The following INPP4B variants were observed in gnomAD, a reference collection of about 807,000 sequenced individuals.
The protein encoded by INPP4B is inositol polyphosphate 4-phosphatase type II.
INPP4B carries 55 observed loss-of-function variants against 122.5 expected under a neutral mutation model. That is an observed-to-expected ratio of 0.45 (90% CI 0.36 to 0.56). INPP4B has a LOEUF of 0.56. INPP4B is among the 20% of genes least tolerant of loss of function. INPP4B has a pLI of 0.00. For synonymous variants in INPP4B, 403 were observed against 388.7 expected, an observed-to-expected ratio of 1.04 and a Z score of -0.43; for missense variants, 1,000 against 1,097.7, an observed-to-expected ratio of 0.91 and a Z score of 1.26.
chr4:142,456,580 T>C (rs933106612), intron 3 of INPP4B, among the ~76,000 whole-genome samples: 2 of 152,082 alleles, frequency 1.3e-5, no homozygotes, highest in African/African-American at 4.8e-5. Context: ...GTTTTGCTCT[T>C]TATGTTCTTC....
chr4:142,681,616 GAAGA>G (rs1371909216), intron 2 of INPP4B, among the ~76,000 whole-genome samples: 1 of 151,740 alleles, frequency 6.6e-6, no homozygotes, highest in African/African-American at 2.4e-5. Flanking sequence ...CAGAGGAAGG[GAAGA>G]AAGAAAGAAA....
chr4:142,383,592 A>G (rs1028498486), intron 7 of INPP4B, among the ~76,000 whole-genome samples: 2 of 152,122 alleles, frequency 1.3e-5, no homozygotes, highest in African/African-American at 4.8e-5. Context: ...ACTTAACTCA[A>G]CCACTCCTCT....
intron 4 of INPP4B, among the ~76,000 whole-genome samples, chr4:142,430,942 T>G (rs1187422248): frequency 6.6e-6 from 1 of 152,136 alleles, no homozygotes; most frequent in Non-Finnish European, 1.5e-5. Flanking sequence ...TATTTAACCA[T>G]TTCATGGACT....
At chr4:142,748,425 G>T (rs1370225186) in intron 1 of INPP4B, among the ~76,000 whole-genome samples, 5 of 151,804 alleles carry the variant, frequency 3.3e-5, no homozygotes, top group Non-Finnish European at 4.4e-5. Flanking sequence ...AAATGATAGA[G>T]AAAATTTAAA....
intron 11 of INPP4B, among the ~76,000 whole-genome samples, chr4:142,255,001 C>A (rs1161928496): frequency 1.1e-4 from 17 of 152,192 alleles, no homozygotes; most frequent in East Asian, 9.7e-4. Flanking sequence ...CTAACAGCGG[C>A]TCTCTCGGCA....
chr4:142,637,252 G>A (rs974868768), intron 2 of INPP4B, among the ~76,000 whole-genome samples: 7 of 152,138 alleles, frequency 4.6e-5, no homozygotes, highest in African/African-American at 1.7e-4. Flanking sequence ...TATATTCTAT[G>A]GGTTTTGACA....
At chr4:142,211,143 A>G (rs889167245) in intron 12 of INPP4B, among the ~76,000 whole-genome samples, 2 of 152,218 alleles carry the variant, frequency 1.3e-5, no homozygotes, top group Non-Finnish European at 2.9e-5. Context: ...AAAAGTTCCA[A>G]TATAGGGGAA....
intron 1 of INPP4B, among the ~76,000 whole-genome samples, chr4:142,830,976 C>T (rs2073427621): frequency 6.6e-6 from 1 of 151,516 alleles, no homozygotes; most frequent in Non-Finnish European, 1.5e-5. Context: ...GAGCCAAGAT[C>T]ACACCACTGC....
In INPP4B at chr4:142,685,358, G is replaced by A. The variant is rs114882512; in HGVS notation, c.-191+40481C>T. Among the ~76,000 whole-genome samples the A allele has an allele frequency of 8.6e-3, 1,314 of 152,170 alleles. 25 individuals are homozygous for A. The highest frequency in any genetic ancestry group is 0.03 in the African/African-American group (1,246 of 41,536). ...CTTTAGAATAATCCTTCATTGGGGA[G>A]ACATTTTTAGTGAGTAATATTTCAA... On this transcript the variant is annotated intron_variant, in intron 2 of 25. Coordinates refer to ENST00000262992, the MANE Select transcript of INPP4B (RefSeq NM_001101669.3).
intron 7 of INPP4B, among the ~76,000 whole-genome samples, chr4:142,396,871 T>C (rs1478952232): frequency 6.6e-6 from 1 of 152,052 alleles, no homozygotes. Context: ...ATTTCATTCA[T>C]ATAAATTTCA....
intron 12 of INPP4B, among the ~76,000 whole-genome samples, chr4:142,211,907 G>T (rs1845065680): frequency 1.3e-5 from 2 of 152,224 alleles, no homozygotes; most frequent in Admixed American, 6.5e-5. Context: ...CTGGGGATAT[G>T]CTAATGCCTG....
chr4:142,369,592 AAAT>A (rs1197225166), intron 7 of INPP4B, among the ~76,000 whole-genome samples: 11 of 139,754 alleles, frequency 7.9e-5, no homozygotes, highest in African/African-American at 3.2e-4. Context: ...TTAAAAAAAT[AAAT>A]AAATAAATAA....
chr4:142,737,145 C>T (rs1448177605), intron 1 of INPP4B, among the ~76,000 whole-genome samples: 1 of 152,160 alleles, frequency 6.6e-6, no homozygotes, highest in Non-Finnish European at 1.5e-5. Flanking sequence ...AAAGAGCCTG[C>T]ATTGCCAAGT....
intron 1 of INPP4B, among the ~76,000 whole-genome samples, chr4:142,812,780 G>C (rs1779667174): frequency 6.6e-6 from 1 of 152,112 alleles, no homozygotes. Context: ...CAGACTCTAG[G>C]ATGATAGAAT....
intron 3 of INPP4B, among the ~76,000 whole-genome samples, chr4:142,457,078 C>T (rs1197061860): frequency 6.6e-6 from 1 of 151,782 alleles, no homozygotes; most frequent in Non-Finnish European, 1.5e-5. Flanking sequence ...AATAGTGTAA[C>T]AATTGAATAT....
intron 25 of INPP4B, among the ~76,000 whole-genome samples, chr4:142,077,666 T>G (rs1395247059): frequency 1.3e-5 from 2 of 151,694 alleles, no homozygotes; most frequent in Non-Finnish European, 2.9e-5. Context: ...GAAAACTGAA[T>G]TCTGATAAAG....
chr4:142,393,715 A>G lies in INPP4B; in HGVS notation c.372+9223T>C, dbSNP rs546373066. Among the ~76,000 whole-genome samples, 20 of 152,344 alleles carry G rather than the reference A, an allele frequency of 1.3e-4. No homozygotes were observed. In the South Asian group the frequency reaches 4.1e-3, roughly 32 times the overall value. ...TGCAACAATAGCTGAGTCTTGGCCA[A>G]TCCCAGCAGCCATACTTCAACCAAT... On this transcript the variant is annotated intron_variant, in intron 7 of 25. Coordinates refer to ENST00000262992, the MANE Select transcript of INPP4B (RefSeq NM_001101669.3).
chr4:142,062,936 A>G (rs983844170), intron 25 of INPP4B, among the ~76,000 whole-genome samples: 15 of 152,198 alleles, frequency 9.9e-5, no homozygotes, highest in African/African-American at 3.6e-4. Flanking sequence ...AAATGGGGAA[A>G]TATGTTAACT....
chr4:142,431,210 G>A lies in INPP4B; in HGVS notation c.50C>T (p.Pro17Leu). The A allele has an allele frequency of 6.2e-7, 1 of 1,613,340 alleles. No individual in the cohort carries two copies. Among genetic ancestry groups the A allele is most frequent in the South Asian group, 1.1e-5 (1 of 91,056 alleles). The change falls in exon 4 of 26, where the codon CCT becomes CTT. Residue 17 changes from proline (P) to leucine (L), a missense_variant. Coordinates refer to ENST00000262992, the MANE Select transcript of INPP4B (RefSeq NM_001101669.3). ...GASEEGQHFL[P>L]TAQANDPGDC... ...CCCGGGATCATTGGCCTGGGCTGTAGGAAGAAAGTGCTGCCCTTCTTCTGA... is the reference window on the plus strand; with the variant it reads ...CCCGGGATCATTGGCCTGGGCTGTAAGAAGAAAGTGCTGCCCTTCTTCTGA...
Sources: allele counts gnomAD v4.1 joint callset (sites outside exome capture counted in the v4.1 genomes callset), GRCh38; gene constraint gnomAD v4.1.1; transcripts MANE v1.5; gene names NCBI Gene and HGNC (gene_info 2026-07-23, HGNC 2026-07-21).